Variants in TRIM44 observed in about 807,000 individuals in gnomAD.
The protein encoded by TRIM44 is tripartite motif-containing protein 44.
Under a neutral mutation model 37.4 loss-of-function variants are expected in TRIM44, and 13 were observed. The observed-to-expected ratio is 0.35, with a 90% CI of 0.23 to 0.55. The LOEUF is 0.55. Ranked by LOEUF, TRIM44 falls within the 20% of genes least tolerant of loss-of-function variation. The probability of loss-of-function intolerance (pLI) is 0.89; values close to 1 mark genes in which losing one functional copy is unlikely to be tolerated. For synonymous variants in TRIM44, 175 were observed against 157.2 expected, an observed-to-expected ratio of 1.11 and a Z score of -0.85; for missense variants, 426 against 437.2, an observed-to-expected ratio of 0.97 and a Z score of 0.23.
intron 2 of TRIM44, among the ~76,000 whole-genome samples, chr11:35,718,182 A>AG (rs1852060783): frequency 6.6e-6 from 1 of 152,168 alleles, no homozygotes; most frequent in Admixed American, 6.5e-5. Context: ...TTGGGAAGGA[A>AG]GGGTCTTAAA....
chr11:35,711,523 G>T (rs1185056187), intron 2 of TRIM44, among the ~76,000 whole-genome samples: 1 of 149,908 alleles, frequency 6.7e-6, no homozygotes, highest in African/African-American at 2.5e-5. Flanking sequence ...TTCATAGGTT[G>T]TTGGGAAAAT....
chr11:35,794,714 A>G (rs1296176380), intron 4 of TRIM44, among the ~76,000 whole-genome samples: 2 of 152,230 alleles, frequency 1.3e-5, no homozygotes, highest in Non-Finnish European at 1.5e-5. Context: ...CAGTGTCTCC[A>G]TGACCAGCAA....
intron 3 of TRIM44, among the ~76,000 whole-genome samples, chr11:35,727,218 C>A (rs1391274261): frequency 6.6e-6 from 1 of 151,194 alleles, no homozygotes; most frequent in Non-Finnish European, 1.5e-5. Context: ...TACTATTAAT[C>A]AGATTTCATA....
intron 4 of TRIM44, among the ~76,000 whole-genome samples, chr11:35,797,927 C>T (rs938257272): frequency 7.9e-5 from 12 of 152,190 alleles, no homozygotes; most frequent in African/African-American, 2.4e-4. Context: ...TGAGACAGGT[C>T]TCAGTCAATT....
At chr11:35,695,630 G>T (rs191464289) in intron 2 of TRIM44, among the ~76,000 whole-genome samples, 24 of 152,156 alleles carry the variant, frequency 1.6e-4, no homozygotes, top group Non-Finnish European at 3.1e-4. Context: ...CATATTCTAG[G>T]ATTTTGTGTG....
intron 4 of TRIM44, among the ~76,000 whole-genome samples, chr11:35,770,011 C>T (rs1297926725): frequency 1.3e-5 from 2 of 151,962 alleles, no homozygotes; most frequent in Admixed American, 1.3e-4. Context: ...ATCCTATCAC[C>T]CAGGTAGTGA....
chr11:35,717,403 G>A (rs1241474471), intron 2 of TRIM44, among the ~76,000 whole-genome samples: 6 of 151,926 alleles, frequency 3.9e-5, no homozygotes, highest in African/African-American at 1.5e-4. Flanking sequence ...TTTTTTTAAA[G>A]TCTGGTGTCA....
intron 2 of TRIM44, among the ~76,000 whole-genome samples, chr11:35,689,843 A>G (rs891024834): frequency 6.6e-6 from 1 of 152,210 alleles, no homozygotes; most frequent in African/African-American, 2.4e-5. Flanking sequence ...AAAGTACAAC[A>G]TGCTAAGCTC....
intron 1 of TRIM44, among the ~76,000 whole-genome samples, chr11:35,667,277 A>G (rs965647384): frequency 1.3e-5 from 2 of 152,182 alleles, no homozygotes; most frequent in Admixed American, 6.5e-5. Context: ...TAATTGATTT[A>G]CTTATTAAAG....
chr11:35,761,825 TC>T, intron 4 of TRIM44, among the ~76,000 whole-genome samples: 1 of 152,202 alleles, frequency 6.6e-6, no homozygotes, highest in Non-Finnish European at 1.5e-5. Flanking sequence ...TAAATCTAAT[TC>T]CTCAAGGCTG....
chr11:35,793,265 G>A (rs912424613), intron 4 of TRIM44, among the ~76,000 whole-genome samples: 4 of 151,886 alleles, frequency 2.6e-5, no homozygotes, highest in Admixed American at 6.6e-5. Context: ...TGGCTCACAC[G>A]TGTAATCCCA....
intron 4 of TRIM44, among the ~76,000 whole-genome samples, chr11:35,742,479 TTA>T (rs1184457377): frequency 8.1e-5 from 11 of 135,846 alleles, no homozygotes; most frequent in African/African-American, 3.0e-4. Flanking sequence ...TATAATTATA[TTA>T]ATTGTATTAT....
chr11:35,691,323 G>T (rs1851634060), intron 2 of TRIM44, among the ~76,000 whole-genome samples: 1 of 152,022 alleles, frequency 6.6e-6, no homozygotes, highest in East Asian at 1.9e-4. Flanking sequence ...GGAGAAACAA[G>T]CTCTTTCCCT....
At chr11:35,755,340 G>A (rs1322562268) in intron 4 of TRIM44, among the ~76,000 whole-genome samples, 1 of 145,652 alleles carries the variant, frequency 6.9e-6, no homozygotes, top group Non-Finnish European at 1.6e-5. Context: ...TTGCCCACTT[G>A]TTAATGGGGT....
intron 2 of TRIM44, among the ~76,000 whole-genome samples, chr11:35,703,672 C>G (rs1315820541): frequency 4.6e-5 from 7 of 152,210 alleles, no homozygotes; most frequent in Non-Finnish European, 8.8e-5. Flanking sequence ...GGACCTCTAG[C>G]AAACTCCAAC....
intron 3 of TRIM44, among the ~76,000 whole-genome samples, chr11:35,731,101 C>G (rs1245862237): frequency 6.6e-6 from 1 of 152,112 alleles, no homozygotes; most frequent in African/African-American, 2.4e-5. Context: ...TCTTGTCTTA[C>G]TGCAGTGGCT....
At chr11:35,776,507 A>G (rs539269392) in intron 4 of TRIM44, among the ~76,000 whole-genome samples, 31 of 151,926 alleles carry the variant, frequency 2.0e-4, no homozygotes, top group Non-Finnish European at 3.5e-4. Context: ...CTAGCTTTTG[A>G]ATGTGCTTGC....
intron 2 of TRIM44, among the ~76,000 whole-genome samples, chr11:35,708,982 GCC>G (rs11286693): frequency 0.026 from 3,805 of 148,200 alleles, 126 homozygotes; most frequent in African/African-American, 0.072. Context: ...ATGTTGCCAT[GCC>G]CCCCCCCCAA....
intron 4 of TRIM44, among the ~76,000 whole-genome samples, chr11:35,735,697 G>C (rs1307054969): frequency 6.6e-6 from 1 of 152,044 alleles, no homozygotes; most frequent in East Asian, 1.9e-4. Context: ...TTGTTAAGAA[G>C]AATAGGCACT....
Sources: gnomAD v4.1 joint callset for allele counts (sites outside exome capture counted in the v4.1 genomes callset) on GRCh38, gnomAD v4.1.1 for gene constraint, MANE v1.5 for transcripts, NCBI Gene and HGNC (gene_info 2026-07-23, HGNC 2026-07-21) for gene names.